Variants in ZNF366 observed in about 807,000 individuals in gnomAD.
The protein encoded by ZNF366 is zinc finger protein 366.
A neutral mutation model predicts 47.2 loss-of-function variants in ZNF366; 20 were observed. The observed-to-expected ratio is 0.42, with a 90% CI of 0.30 to 0.62. The LOEUF is 0.62. Among genes scored for constraint, ZNF366 ranks in the 20% least tolerant of loss-of-function variants. The probability of loss-of-function intolerance (pLI) is 0.16; values close to 1 mark genes in which losing one functional copy is unlikely to be tolerated. For synonymous variants in ZNF366, 421 were observed against 395.1 expected (o/e 1.07, Z -0.78); for missense variants, 987 against 976.3 (o/e 1.01, Z -0.15).
chr5:72,461,226 G>A lies in ZNF366; in HGVS notation c.271C>T (p.Pro91Ser), dbSNP rs750515034. The change falls in exon 2 of 5, where the codon CCT becomes TCT. Residue 91 changes from proline (P) to serine (S), a missense_variant. Physicochemically the swap from Pro to Ser is moderately conservative, Grantham distance 74. Coordinates refer to ENST00000318442, the MANE Select transcript of ZNF366 (RefSeq NM_152625.3). ...AGGGCGAGGGTGACTTCTTCTGCAG[G>A]GTGGTTATAGGGCATCTTTGTGGGC... ...SMPTKMPYNH[P>S]AEEVTLALHS... 4.3e-6 allele frequency: 7 copies of A among 1,613,992 alleles called. No individual in the cohort carries two copies. In the Admixed American group the frequency reaches 5.0e-5, roughly 12 times the overall value.
intron 1 of ZNF366, among the ~76,000 whole-genome samples, chr5:72,468,759 A>G (rs1177395162): frequency 6.6e-6 from 1 of 152,180 alleles, no homozygotes; most frequent in Non-Finnish European, 1.5e-5. Flanking sequence ...GAATATAATT[A>G]TTTGAGCTTG....
intron 4 of ZNF366, among the ~76,000 whole-genome samples, chr5:72,446,598 G>A (rs779776448): frequency 2.0e-5 from 3 of 152,168 alleles, no homozygotes; most frequent in Non-Finnish European, 2.9e-5. Flanking sequence ...GGATTCAGTG[G>A]GGGAGGTGTA....
chr5:72,444,647 G>A (rs971766997), intron 4 of ZNF366, among the ~76,000 whole-genome samples: 5 of 151,868 alleles, frequency 3.3e-5, no homozygotes, highest in Non-Finnish European at 5.9e-5. Context: ...AAAAAACTTT[G>A]TATTTAATAA....
rs192423734 is a variant in ZNF366, at chr5:72,440,222, T to C, written c.*3534A>G. 6.6e-6 allele frequency: 1 copy of C among 152,350 alleles called. No homozygotes were observed. The highest frequency in any genetic ancestry group is 1.9e-4 in the East Asian group (1 of 5,188). The allele number at this position is 152,350 out of a possible 1,614,324, so 9.4% of individuals were successfully genotyped here. ...GGGCTTAATAAATACAGTATGCACA[T>C]TGAGCTTTCTCATGCAACTACTCAT... On this transcript the variant is annotated 3_prime_UTR_variant, in exon 5 of 5. Coordinates refer to ENST00000318442, the MANE Select transcript of ZNF366 (RefSeq NM_152625.3).
At position 72,442,524 on chromosome 5, in the gene ZNF366, A is replaced by T. The variant is rs567348347; in HGVS notation, c.*1232T>A. The T allele has an allele frequency of 1.3e-5, 2 of 152,156 alleles. No homozygotes were observed. The highest frequency in any genetic ancestry group is 2.4e-5 in the African/African-American group (1 of 41,430). The allele number at this position is 152,156 out of a possible 1,614,324, so 9.4% of individuals were successfully genotyped here. ...CTTCTTTACTAATGATTTGCTGTCA[A>T]CTATTCTAGTACCCCAAATAAGTCA... On this transcript the variant is annotated 3_prime_UTR_variant, in exon 5 of 5. Coordinates refer to ENST00000318442, the MANE Select transcript of ZNF366 (RefSeq NM_152625.3).
At chr5:72,490,679 G>A (rs757386601) in intron 1 of ZNF366, among the ~76,000 whole-genome samples, 3 of 152,190 alleles carry the variant, frequency 2.0e-5, no homozygotes, top group Non-Finnish European at 4.4e-5. Context: ...CGTCATGCCA[G>A]ACTGTTGTGT....
chr5:72,496,863 T>A (rs1744121501), intron 1 of ZNF366, among the ~76,000 whole-genome samples: 1 of 152,224 alleles, frequency 6.6e-6, no homozygotes, highest in Non-Finnish European at 1.5e-5. Context: ...ATCATGGTTT[T>A]AGTTTGCATT....
Position 72,461,035 on chromosome 5 carries a change from G to A in ZNF366, c.462C>T (p.Pro154=). The change falls in exon 2 of 5, where the codon CCC becomes CCT. Residue 154 remains proline, a synonymous_variant. Transcript: ENST00000318442. ...GGGGCCACACGGCGCTGGGCTTAAT[G>A]GGTTCCTGCTTGACGGGCTTGCCCC... ...HFGGKPVKQE[P]IKPSAVWPQP... 1 of 1,614,164 alleles carries A rather than the reference G, an allele frequency of 6.2e-7. No homozygotes were observed. Among genetic ancestry groups the A allele is most frequent in the Non-Finnish European group, 8.5e-7 (1 of 1,180,034 alleles).
intron 1 of ZNF366, among the ~76,000 whole-genome samples, chr5:72,489,070 C>G (rs1743952664): frequency 6.6e-6 from 1 of 152,122 alleles, no homozygotes; most frequent in South Asian, 2.1e-4. Flanking sequence ...CTTGTGGAAT[C>G]TTTAAGAAAT....
chr5:72,485,133 G>C (rs1167205121), intron 1 of ZNF366, among the ~76,000 whole-genome samples: 1 of 152,190 alleles, frequency 6.6e-6, no homozygotes, highest in Admixed American at 6.5e-5. Context: ...AAAATGTTTA[G>C]TAATTATTGT....
Position 72,441,902 on chromosome 5 carries a change from C to T in ZNF366, c.*1854G>A, listed in dbSNP as rs755099398. On this transcript the variant is annotated 3_prime_UTR_variant, in exon 5 of 5. Transcript: ENST00000318442. ...TGGGCAGTCACACGTACACGACACC[C>T]AGTCAGTATTGCTTTTCTCAGTGCC... 2 of 152,186 alleles carry T rather than the reference C, an allele frequency of 1.3e-5. No homozygotes were observed. Among genetic ancestry groups the T allele is most frequent in the Non-Finnish European group, 2.9e-5 (2 of 68,050 alleles). 9.4% of individuals were successfully genotyped at this position (152,186 alleles called of 1,614,324 possible).
At position 72,467,785 on chromosome 5, in the gene ZNF366, C is replaced by T. The variant is rs1159269321; in HGVS notation, c.-14-6275G>A. Among the ~76,000 whole-genome samples the T allele has an allele frequency of 2.0e-5, 3 of 152,298 alleles. No homozygotes were observed. The East Asian group carries it at 5.8e-4, about 29-fold the overall frequency. On this transcript the variant is annotated intron_variant, in intron 1 of 4. Transcript: ENST00000318442. ...TACATTTTACTCCTGGAGGCCCTGA[C>T]TTCCCTTGTAATATGAGAGTGGCAG... is the stretch of plus-strand genomic sequence containing the variant.
intron 3 of ZNF366, among the ~76,000 whole-genome samples, chr5:72,453,447 G>T (rs1743116221): frequency 1.3e-5 from 2 of 152,214 alleles, no homozygotes; most frequent in Non-Finnish European, 2.9e-5. Flanking sequence ...AGATGGCTGT[G>T]AACTGCATTG....
chr5:72,504,717 T>C (rs1862193), intron 1 of ZNF366, among the ~76,000 whole-genome samples: 24,047 of 152,096 alleles, frequency 0.16, 2,393 homozygotes, highest in East Asian at 0.38. Flanking sequence ...GTTCTCTGTA[T>C]TAACAAAATA....
At chr5:72,478,745 G>A (rs1388464497) in intron 1 of ZNF366, among the ~76,000 whole-genome samples, 2 of 152,212 alleles carry the variant, frequency 1.3e-5, no homozygotes, top group Non-Finnish European at 2.9e-5. Flanking sequence ...TTCTGCAAAT[G>A]TAAAGTGGTG....
chr5:72,485,848 G>A (rs1743881940), intron 1 of ZNF366, among the ~76,000 whole-genome samples: 1 of 152,074 alleles, frequency 6.6e-6, no homozygotes, highest in African/African-American at 2.4e-5. Context: ...TCCAGCCTCT[G>A]GTTGTTCCTG....
In ZNF366 at chr5:72,443,128, A is replaced by G. The variant is rs1392990884; in HGVS notation, c.*628T>C. On this transcript the variant is annotated 3_prime_UTR_variant, in exon 5 of 5. Transcript: ENST00000318442. ...ATGCTCAATCTGATGAAGACAGCCG[A>G]CACAGAACAAGAGAATCTAAGTATT... The G allele has an allele frequency of 6.6e-6, 1 of 152,274 alleles. No individual in the cohort carries two copies. 9.4% of individuals were successfully genotyped at this position (152,274 alleles called of 1,614,324 possible).
chr5:72,466,606 A>G (rs1435911812), intron 1 of ZNF366, among the ~76,000 whole-genome samples: 1 of 152,198 alleles, frequency 6.6e-6, no homozygotes, highest in Non-Finnish European at 1.5e-5. Flanking sequence ...CCGGGATGGA[A>G]CCTGGCTCAA....
intron 3 of ZNF366, 24 bp from the exon 4 acceptor site, chr5:72,447,441 A>T: frequency 6.2e-7 from 1 of 1,613,334 alleles, no homozygotes; most frequent in Non-Finnish European, 8.5e-7. Flanking sequence ...GGATGAGAAC[A>T]CAGGTTACTC....
Sources: allele counts gnomAD v4.1 joint callset (sites outside exome capture counted in the v4.1 genomes callset), GRCh38; gene constraint gnomAD v4.1.1; transcripts MANE v1.5; gene names NCBI Gene and HGNC (gene_info 2026-07-23, HGNC 2026-07-21).